The following OTUD5 variants were observed in gnomAD, a reference collection of about 807,000 sequenced individuals.
The protein encoded by OTUD5 is OTU domain-containing protein 5.
A neutral mutation model predicts 36.3 loss-of-function variants in OTUD5; 2 were observed. The ratio of observed to expected loss-of-function variants is 0.06; its 90% CI spans 0.02 to 0.17. The LOEUF (loss-of-function observed/expected upper bound fraction) is 0.17, where lower values mean the gene tolerates loss of function less well. Among genes scored for constraint, OTUD5 ranks in the 10% least tolerant of loss-of-function variants. The pLI is 1.00. For missense variants in OTUD5, 233 were observed against 512.3 expected (o/e 0.45, Z 5.26); for synonymous variants, 234 against 214.9 (o/e 1.09, Z -0.78).
At chrX:48,943,551 G>A (rs1371509310) in intron 2 of OTUD5, among the ~76,000 whole-genome samples, 1 of 111,234 alleles carries the variant, frequency 9.0e-6, no homozygotes, top group Non-Finnish European at 1.9e-5. Context: ...TTTGAAGCTG[G>A]ATGATGGGTA....
intron 1 of OTUD5, among the ~76,000 whole-genome samples, chrX:48,952,204 C>CA (rs2064159476): frequency 8.9e-6 from 1 of 112,414 alleles, no homozygotes; most frequent in African/African-American, 3.2e-5. Context: ...AGCCAAGTAA[C>CA]AAACAACTGC....
rs1184156079 is a variant in OTUD5 at position 48,957,518 on chromosome X, T to C, written c.53A>G (p.Asn18Ser). The C allele has an allele frequency of 7.2e-5, 58 of 807,689 alleles. No homozygotes were observed. The highest frequency in any genetic ancestry group is 8.7e-5 in the Non-Finnish European group (58 of 666,657). 66.6% of individuals were successfully genotyped at this position (807,689 alleles called of 1,213,427 possible). A position where few individuals can be genotyped will look rare whatever the true frequency, so the allele number is the denominator to read the frequency against. Residue 18 changes from asparagine (N) to serine (S), a missense_variant, in exon 1 of 9, where the codon AAC (asparagine) becomes AGC (serine). Physicochemically the swap from Asn to Ser is conservative, Grantham distance 46. Around this residue, in one of 3 missense-constraint regions of OTUD5, gnomAD observed 155 missense variants for 217.2 expected, o/e 0.71. Coordinates refer to ENST00000376488, the MANE Select transcript of OTUD5 (RefSeq NM_001136157.2). ...KPPPPDADPA[N>S]EPPPPGPMPP... Reference sequence around the variant, plus strand: ...CATCGGCCCGGGCGGCGGCGGCTCGTTGGCGGGGTCGGCGTCGGGAGGCGG... The same window carrying C: ...CATCGGCCCGGGCGGCGGCGGCTCGCTGGCGGGGTCGGCGTCGGGAGGCGG...
intron 5 of OTUD5, among the ~76,000 whole-genome samples, chrX:48,928,139 G>A (rs998797922): frequency 1.8e-5 from 2 of 112,539 alleles, no homozygotes; most frequent in African/African-American, 6.4e-5. Context: ...TGGTAATGCT[G>A]ACAACAGGAA....
In OTUD5 at chrX:48,922,500, T is replaced by G; in HGVS notation, c.*674A>C. 1 of 751,626 alleles carries G rather than the reference T, an allele frequency of 1.3e-6. No homozygotes were observed. The highest frequency in any genetic ancestry group is 1.5e-4 in the East Asian group (1 of 6,547). The allele number at this position is 751,626 out of a possible 1,213,427, so 61.9% of individuals were successfully genotyped here. On this transcript the variant is annotated 3_prime_UTR_variant, in exon 9 of 9. Coordinates refer to ENST00000376488, the MANE Select transcript of OTUD5 (RefSeq NM_001136157.2). ...GCACACCCTAGACCCTGGGCCGGCC[T>G]CCATGCAGCTGGAGGCCAGAAGACA...
At position 48,943,831 on chromosome X, in the gene OTUD5, C is replaced by G. The variant is rs1207768145; in HGVS notation, c.688+359G>C. On this transcript the variant is annotated intron_variant, in intron 2 of 8. Coordinates refer to ENST00000376488, the MANE Select transcript of OTUD5 (RefSeq NM_001136157.2). The stretch of plus-strand genomic sequence containing the variant: ...CTACCACTTATTATTTCACTCCAGA[C>G]AAGTCACCCACCATCTCTGAGCCAC... 8.1e-5 allele frequency among the ~76,000 whole-genome samples: 9 copies of G among 111,069 alleles called. No homozygotes were observed. The East Asian group carries it at 2.3e-3, about 28-fold the overall frequency.
intron 8 of OTUD5, 46 bp from the exon 9 acceptor site, chrX:48,923,341 C>T: frequency 2.0e-6 from 2 of 1,010,730 alleles, no homozygotes; most frequent in Non-Finnish European, 1.4e-6. Flanking sequence ...GCGCTCTCAG[C>T]CTGCCTTCTC....
chrX:48,950,134 CA>C (rs782788886), intron 1 of OTUD5, among the ~76,000 whole-genome samples: 1,146 of 47,095 alleles, frequency 0.024, 14 homozygotes, highest in African/African-American at 0.057. Context: ...GATTCCACCT[CA>C]AAAAAAAAAA....
intron 1 of OTUD5, among the ~76,000 whole-genome samples, chrX:48,950,808 C>T (rs1256493847): frequency 3.6e-5 from 4 of 109,891 alleles, no homozygotes; most frequent in Admixed American, 2.0e-4. Context: ...GTGATCCACC[C>T]GCCTCGGCCT....
chrX:48,952,686 T>C (rs2064168163), intron 1 of OTUD5, among the ~76,000 whole-genome samples: 1 of 112,060 alleles, frequency 8.9e-6, no homozygotes, highest in Non-Finnish European at 1.9e-5. Context: ...ACTACCCATT[T>C]CATGGAGGGA....
chrX:48,936,026 A>C (rs1348097268), intron 2 of OTUD5, among the ~76,000 whole-genome samples: 2 of 108,969 alleles, frequency 1.8e-5, no homozygotes, highest in Non-Finnish European at 3.8e-5. Flanking sequence ...AATAACTACC[A>C]CTGGGCTTGG....
intron 5 of OTUD5, among the ~76,000 whole-genome samples, chrX:48,929,550 G>A (rs1557048383): frequency 9.3e-6 from 1 of 107,497 alleles, no homozygotes; most frequent in African/African-American, 3.4e-5. Context: ...ATGAAACCCC[G>A]TCTCTACTAA....
At chrX:48,951,747 AGGG>A (rs782629975) in intron 1 of OTUD5, among the ~76,000 whole-genome samples, 8 of 112,205 alleles carry the variant, frequency 7.1e-5, no homozygotes, top group African/African-American at 9.7e-5. Flanking sequence ...CACTGAGGGC[AGGG>A]GGATTAAAAA....
intron 2 of OTUD5, among the ~76,000 whole-genome samples, chrX:48,937,234 C>A (rs1158295521): frequency 8.9e-6 from 1 of 112,120 alleles, no homozygotes; most frequent in African/African-American, 3.2e-5. Context: ...GGGCCCCCTG[C>A]TGCTGCCTTT....
At chrX:48,934,671 G>A in intron 4 of OTUD5, 40 bp downstream of exon 4, 2 of 1,207,014 alleles carry the variant, frequency 1.7e-6, no homozygotes, top group Non-Finnish European at 2.2e-6. Flanking sequence ...AGGCTCGAAT[G>A]AGGCACCATC....
At chrX:48,929,997 G>A (rs1197538462) in intron 5 of OTUD5, among the ~76,000 whole-genome samples, 1 of 109,511 alleles carries the variant, frequency 9.1e-6, no homozygotes, top group African/African-American at 3.3e-5. Context: ...CCAGCTTCTC[G>A]GGAGGCTGAG....
chrX:48,930,378 G>A (rs1319962507), intron 5 of OTUD5, among the ~76,000 whole-genome samples: 1 of 112,086 alleles, frequency 8.9e-6, no homozygotes, highest in African/African-American at 3.2e-5. Flanking sequence ...TACTGTTGGA[G>A]AGGGAATTTG....
At chrX:48,956,611 C>T (rs1557055348) in intron 1 of OTUD5, among the ~76,000 whole-genome samples, 1 of 111,305 alleles carries the variant, frequency 9.0e-6, no homozygotes, top group East Asian at 2.8e-4. Context: ...CCACTGAACA[C>T]ATACCTAAGT....
intron 1 of OTUD5, among the ~76,000 whole-genome samples, chrX:48,948,562 G>A (rs948220907): frequency 4.5e-5 from 5 of 111,181 alleles, no homozygotes; most frequent in Non-Finnish European, 9.4e-5. Context: ...CCCTCGCACT[G>A]CAGGGTTTGG....
intron 1 of OTUD5, among the ~76,000 whole-genome samples, chrX:48,948,139 G>C (rs1218892295): frequency 8.9e-6 from 1 of 112,603 alleles, no homozygotes; most frequent in Non-Finnish European, 1.9e-5. Context: ...TCTGAGGTTA[G>C]GAGTTTAAGA....
Sources: gnomAD v4.1 joint callset for allele counts (sites outside exome capture counted in the v4.1 genomes callset) on GRCh38, gnomAD v4.1.1 for gene constraint, gnomAD v4.1.1 regional missense constraint, MANE v1.5 for transcripts, NCBI Gene and HGNC (gene_info 2026-07-23, HGNC 2026-07-21) for gene names.